The following PHF21A variants were observed in gnomAD, a reference collection of about 807,000 sequenced individuals.
PHF21A encodes the protein BHC80a.
A neutral mutation model predicts 82.5 loss-of-function variants in PHF21A; 11 were observed. The ratio of observed to expected loss-of-function variants is 0.13; its 90% CI spans 0.08 to 0.22. The LOEUF is 0.22. Among genes scored for constraint, PHF21A ranks in the 10% least tolerant of loss-of-function variants. PHF21A has a pLI of 1.00. For missense variants in PHF21A, 579 were observed against 837.8 expected (o/e 0.69, Z 3.81); for synonymous variants, 297 against 302.8 (o/e 0.98, Z 0.20).
intron 1 of PHF21A, among the ~76,000 whole-genome samples, chr11:46,103,007 G>A (rs2097114137): frequency 6.6e-6 from 1 of 152,162 alleles, no homozygotes; most frequent in Non-Finnish European, 1.5e-5. Flanking sequence ...GAGAGGAAAG[G>A]CAACACAGGG....
At chr11:45,980,112 C>A in intron 6 of PHF21A, 146 bp from the exon 7 acceptor site, 1 of 1,207,532 alleles carries the variant, frequency 8.3e-7, no homozygotes, top group East Asian at 2.6e-5. Context: ...ATATGAAGAG[C>A]TTAAAGCATT....
chr11:46,046,145 G>A lies in PHF21A; in HGVS notation c.153+30609C>T, dbSNP rs1038328905. Among the ~76,000 whole-genome samples, 24 of 152,258 alleles carry A rather than the reference G, an allele frequency of 1.6e-4. 1 individual carries two copies. Among genetic ancestry groups the A allele is most frequent in the Middle Eastern group, 3.4e-3 (1 of 294 alleles). On this transcript the variant is annotated intron_variant, in intron 6 of 18. Transcript: ENST00000676320. ...CCATCTTTTGCTATTTTCAGGGTTT[G>A]TTTTCAAGAGTGTCCCTGAGCTTAT...
At chr11:46,107,360 T>G (rs758008933) in intron 1 of PHF21A, among the ~76,000 whole-genome samples, 4 of 152,208 alleles carry the variant, frequency 2.6e-5, no homozygotes, top group East Asian at 1.9e-4. Context: ...TTGAGCCCTC[T>G]GTACACTATT....
chr11:46,067,595 C>CCA (rs2096609197), intron 6 of PHF21A, among the ~76,000 whole-genome samples: 1 of 42,746 alleles, frequency 2.3e-5, no homozygotes, highest in African/African-American at 6.3e-5. Context: ...ATTCCACCCC[C>CCA]CACAAAAAAA....
intron 15 of PHF21A, among the ~76,000 whole-genome samples, chr11:45,943,616 C>A (rs1398725886): frequency 1.3e-5 from 2 of 152,136 alleles, no homozygotes; most frequent in Non-Finnish European, 2.9e-5. Flanking sequence ...GTTGATTTTG[C>A]ATACATCTTA....
chr11:46,014,086 T>C (rs2095467063), intron 6 of PHF21A, among the ~76,000 whole-genome samples: 1 of 152,172 alleles, frequency 6.6e-6, no homozygotes. Context: ...ATGCTGAGGT[T>C]TGGGCTTCTA....
In PHF21A at chr11:45,966,917, A is replaced by G. The variant is rs367875584; in HGVS notation, c.703-1309T>C. 3.4e-4 allele frequency among the ~76,000 whole-genome samples: 50 copies of G among 149,166 alleles called. No homozygotes were observed. In the South Asian group the frequency reaches 0.012, roughly 35 times the overall value. On this transcript the variant is annotated intron_variant, in intron 9 of 18. Transcript: ENST00000676320. ...CAGATGTGAGCCACTGCACCCAGCCATAAGCCAGTATTTTTCAAACTTTTA... is the reference window on the plus strand; with the variant it reads ...CAGATGTGAGCCACTGCACCCAGCCGTAAGCCAGTATTTTTCAAACTTTTA...
At chr11:45,989,490 TAAAAAAAAAAAA>T (rs57370032) in intron 6 of PHF21A, among the ~76,000 whole-genome samples, 1 of 100,934 alleles carries the variant, frequency 9.9e-6, no homozygotes, top group Non-Finnish European at 1.9e-5. Flanking sequence ...CCATCTCTAC[TAAAAAAAAAAAA>T]AAAAAAAATA....
intron 7 of PHF21A, 125 bp from the exon 8 acceptor site, chr11:45,971,492 T>C: frequency 1.1e-6 from 1 of 880,714 alleles, no homozygotes; most frequent in South Asian, 1.8e-5. Context: ...TAATCAAGTT[T>C]CTCTGTAGAA....
At chr11:46,119,299 C>A (rs1201993886) in intron 1 of PHF21A, among the ~76,000 whole-genome samples, 1 of 152,162 alleles carries the variant, frequency 6.6e-6, no homozygotes, top group Non-Finnish European at 1.5e-5. Context: ...ATCTGAAACA[C>A]AGCCACAAAG....
intron 6 of PHF21A, among the ~76,000 whole-genome samples, chr11:46,025,720 T>C (rs998857534): frequency 6.6e-6 from 1 of 152,230 alleles, no homozygotes; most frequent in Non-Finnish European, 1.5e-5. Context: ...ACCACATTTT[T>C]TTTATTCTCC....
At chr11:46,110,636 T>G (rs1045144004) in intron 1 of PHF21A, among the ~76,000 whole-genome samples, 4 of 152,244 alleles carry the variant, frequency 2.6e-5, no homozygotes, top group African/African-American at 9.7e-5. Context: ...TTGTAACTGC[T>G]GAATTTATTT....
At chr11:46,001,129 T>C (rs1314246377) in intron 6 of PHF21A, among the ~76,000 whole-genome samples, 5 of 151,900 alleles carry the variant, frequency 3.3e-5, no homozygotes, top group Non-Finnish European at 7.4e-5. Flanking sequence ...ACTGAAATAA[T>C]TCACTGGAAC....
At chr11:46,093,962 TAA>T in intron 1 of PHF21A, among the ~76,000 whole-genome samples, 1 of 152,194 alleles carries the variant, frequency 6.6e-6, no homozygotes, top group Admixed American at 6.5e-5. Flanking sequence ...TGGACAAAAT[TAA>T]AATTAAGAAC....
At chr11:46,080,351 G>T (rs551050023) in intron 4 of PHF21A, among the ~76,000 whole-genome samples, 3 of 151,872 alleles carry the variant, frequency 2.0e-5, no homozygotes, top group Non-Finnish European at 4.4e-5. Context: ...TAGAGACAGG[G>T]TCTTGTTATG....
chr11:45,929,903 C>T lies in PHF21A; in HGVS notation c.*4065G>A, dbSNP rs970960790. 4 of 152,404 alleles carry T rather than the reference C, an allele frequency of 2.6e-5. No individual in the cohort carries two copies. The highest frequency in any genetic ancestry group is 5.9e-5 in the Non-Finnish European group (4 of 68,242). 9.4% of individuals were successfully genotyped at this position (152,404 alleles called of 1,614,324 possible). On this transcript the variant is annotated 3_prime_UTR_variant, in exon 19 of 19. Transcript: ENST00000676320. ...AGTCAGGGTGAGGATGGGAGTCCTGCTTCCTGCCAGGGGTGCCCGGCAGAG... is the reference window on the plus strand; with the variant it reads ...AGTCAGGGTGAGGATGGGAGTCCTGTTTCCTGCCAGGGGTGCCCGGCAGAG...
At chr11:46,071,948 C>T (rs1335884114) in intron 6 of PHF21A, among the ~76,000 whole-genome samples, 9 of 151,976 alleles carry the variant, frequency 5.9e-5, no homozygotes, top group Admixed American at 3.9e-4. Flanking sequence ...AGCAAAAGAT[C>T]GGGTGGATAA....
At chr11:46,056,834 C>T (rs868482908) in intron 6 of PHF21A, among the ~76,000 whole-genome samples, 1 of 152,208 alleles carries the variant, frequency 6.6e-6, no homozygotes, top group Middle Eastern at 3.4e-3. Context: ...GTCAACAATA[C>T]TCATGCTGTC....
chr11:46,037,742 A>G (rs2096043742), intron 6 of PHF21A, among the ~76,000 whole-genome samples: 1 of 150,328 alleles, frequency 6.7e-6, no homozygotes, highest in Non-Finnish European at 1.5e-5. Context: ...AGTTTGTGGG[A>G]TTTTTCTCTT....
Sources: allele counts gnomAD v4.1 joint callset (sites outside exome capture counted in the v4.1 genomes callset), GRCh38; gene constraint gnomAD v4.1.1; transcripts MANE v1.5; gene names NCBI Gene and HGNC (gene_info 2026-07-23, HGNC 2026-07-21).